Variants in GLIS1 observed in about 807,000 individuals in gnomAD.
The protein encoded by GLIS1 is zinc finger protein GLIS1.
A neutral mutation model predicts 63.8 loss-of-function variants in GLIS1; 24 were observed. The observed-to-expected ratio is 0.38, with a 90% CI of 0.27 to 0.53. GLIS1 has a LOEUF of 0.53. GLIS1 is among the 20% of genes least tolerant of loss of function. GLIS1 has a pLI of 0.85. For synonymous variants in GLIS1, 450 were observed against 482.5 expected (o/e 0.93, Z 0.88); for missense variants, 1,036 against 1,074.1 (o/e 0.96, Z 0.50).
intron 2 of GLIS1, among the ~76,000 whole-genome samples, chr1:53,734,643 C>T (rs1646895889): frequency 6.6e-6 from 1 of 152,220 alleles, no homozygotes; most frequent in African/African-American, 2.4e-5. Context: ...TGCTCCCTCA[C>T]AAGAGCCCCC....
intron 2 of GLIS1, among the ~76,000 whole-genome samples, chr1:53,613,070 T>C (rs995181564): frequency 6.6e-6 from 1 of 151,960 alleles, no homozygotes; most frequent in Admixed American, 6.6e-5. Flanking sequence ...CCACCCACCT[T>C]GGCCTCCCAA....
In GLIS1 at chr1:53,522,538, A is replaced by G. The variant is rs1220067279; in HGVS notation, c.1594-1772T>C. On this transcript the variant is annotated intron_variant, in intron 6 of 10. Transcript: ENST00000628545. ...AACGGAGCTCAGGCCCTGGAAGCAG[A>G]CAGGTCTGGGATGGACCCTGGCTCT... Among the ~76,000 whole-genome samples, 3 of 152,222 alleles carry G rather than the reference A, an allele frequency of 2.0e-5. 1 individual carries two copies. The highest frequency in any genetic ancestry group is 2.4e-5 in the African/African-American group (1 of 41,454).
chr1:53,721,240 TTATTTAG>T (rs1214329828), intron 2 of GLIS1, among the ~76,000 whole-genome samples: 2 of 152,100 alleles, frequency 1.3e-5, no homozygotes, highest in African/African-American at 4.8e-5. Flanking sequence ...AGCAGAAATC[TTATTTAG>T]GGTGGCCTAA....
At chr1:53,605,463 C>T (rs1350587733) in intron 2 of GLIS1, among the ~76,000 whole-genome samples, 1 of 152,218 alleles carries the variant, frequency 6.6e-6, no homozygotes, top group East Asian at 1.9e-4. Context: ...TCCCCGGCCT[C>T]GGCAGTCCCT....
Position 53,738,056 on chromosome 1 carries a change from G to A in GLIS1, c.9C>T (p.Cys3=). 2 of 1,230,488 alleles carry A rather than the reference G, an allele frequency of 1.6e-6. No homozygotes were observed. Among genetic ancestry groups the A allele is most frequent in the African/African-American group, 1.6e-5 (1 of 64,462 alleles). 76.2% of individuals were successfully genotyped at this position (1,230,488 alleles called of 1,614,324 possible). The part of the protein sequence containing the change: MH[C]EVAEAHSDKR... ...TGTCCGAGTGTGCCTCAGCCACCTC[G>A]CAATGCATGGCGCCGGGGCGGGGCG... is the stretch of plus-strand genomic sequence containing the variant. Residue 3 remains cysteine, a synonymous_variant, in exon 2 of 11, where the codon TGC becomes TGT. Transcript: ENST00000628545.
chr1:53,562,687 C>G (rs1049218900), intron 4 of GLIS1, among the ~76,000 whole-genome samples: 1 of 152,128 alleles, frequency 6.6e-6, no homozygotes, highest in Non-Finnish European at 1.5e-5. Context: ...CTCCTCCAAC[C>G]GTATCAACAC....
At chr1:53,545,862 T>C (rs923974698) in intron 4 of GLIS1, among the ~76,000 whole-genome samples, 2 of 152,236 alleles carry the variant, frequency 1.3e-5, no homozygotes, top group African/African-American at 4.8e-5. Context: ...GGACCCTGGA[T>C]GCCCCCTGCT....
chr1:53,636,070 G>C (rs1557494257), intron 2 of GLIS1, among the ~76,000 whole-genome samples: 1 of 152,036 alleles, frequency 6.6e-6, no homozygotes, highest in Non-Finnish European at 1.5e-5. Context: ...TAGAAAAAGG[G>C]GGAATACTCT....
intron 4 of GLIS1, among the ~76,000 whole-genome samples, chr1:53,576,797 G>T (rs1234652373): frequency 6.6e-6 from 1 of 152,120 alleles, no homozygotes; most frequent in Non-Finnish European, 1.5e-5. Flanking sequence ...GCTCAACTCT[G>T]TACCCCACTC....
chr1:53,633,751 C>T (rs1394076109), intron 2 of GLIS1, among the ~76,000 whole-genome samples: 7 of 151,998 alleles, frequency 4.6e-5, no homozygotes, highest in African/African-American at 1.7e-4. Flanking sequence ...TGGTTAGTAA[C>T]ATCCACATGC....
chr1:53,734,947 T>C (rs1488908467), intron 2 of GLIS1, among the ~76,000 whole-genome samples: 2 of 152,246 alleles, frequency 1.3e-5, no homozygotes, highest in Non-Finnish European at 2.9e-5. Context: ...ATGATTCTTA[T>C]TGTAAATGAT....
chr1:53,638,782 G>A (rs1407810391), intron 2 of GLIS1, among the ~76,000 whole-genome samples: 1 of 152,146 alleles, frequency 6.6e-6, no homozygotes, highest in East Asian at 1.9e-4. Context: ...ACATGAAAAC[G>A]AGGGTAAACC....
chr1:53,575,016 G>A (rs1313523960), intron 4 of GLIS1, among the ~76,000 whole-genome samples: 1 of 152,142 alleles, frequency 6.6e-6, no homozygotes, highest in African/African-American at 2.4e-5. Context: ...GAGGATACTT[G>A]GGCCAAGTTG....
At position 53,737,964 on chromosome 1, in the gene GLIS1, A is replaced by G; in HGVS notation, c.101T>C (p.Met34Thr). The stretch of plus-strand genomic sequence containing the variant: ...GCCACTCACGGTGACCCTGAAGGCC[A>G]TGTGCGCGCCGAGGCTGGCGGGGCC... Reference protein sequence around the residue: ...DRGPASLGAHMAFRVTVSGGG... With the variant: ...DRGPASLGAHTAFRVTVSGGG... Residue 34 changes from methionine (M) to threonine (T), a missense_variant, in exon 2 of 11, where the codon ATG (methionine) becomes ACG (threonine). Physicochemically the swap from Met to Thr is moderately conservative, Grantham distance 81. Transcript: ENST00000628545. 8.1e-7 allele frequency: 1 copy of G among 1,230,232 alleles called. No individual in the cohort carries two copies. Among genetic ancestry groups the G allele is most frequent in the Non-Finnish European group, 1.0e-6 (1 of 986,968 alleles). The allele number at this position is 1,230,232 out of a possible 1,614,324, so 76.2% of individuals were successfully genotyped here. A position where few individuals can be genotyped will look rare whatever the true frequency, so the allele number is the denominator to read the frequency against.
At chr1:53,699,653 G>A (rs1646503013) in intron 2 of GLIS1, among the ~76,000 whole-genome samples, 1 of 152,186 alleles carries the variant, frequency 6.6e-6, no homozygotes, top group African/African-American at 2.4e-5. Context: ...TAGAGTGGGT[G>A]CCAAAACAAC....
chr1:53,666,479 A>G (rs998612245), intron 2 of GLIS1, among the ~76,000 whole-genome samples: 1 of 152,102 alleles, frequency 6.6e-6, no homozygotes, highest in Non-Finnish European at 1.5e-5. Context: ...TAGAGTCCCC[A>G]AATTCCAGTG....
intron 4 of GLIS1, among the ~76,000 whole-genome samples, chr1:53,559,079 T>A (rs2100432568): frequency 6.6e-6 from 1 of 152,306 alleles, no homozygotes; most frequent in East Asian, 1.9e-4. Context: ...TCAGACCCAG[T>A]GTGAGAAAGG....
rs1644866693 is a variant in GLIS1, at chr1:53,559,637, A to G, written c.1321-29685T>C. Among the ~76,000 whole-genome samples the G allele has an allele frequency of 2.6e-5, 4 of 152,162 alleles. No homozygotes were observed. The South Asian group carries it at 8.3e-4, about 31-fold the overall frequency. On this transcript the variant is annotated intron_variant, in intron 4 of 10. Transcript: ENST00000628545. ...GAGCCCAGCCGCTGCAATGCGGGAC[A>G]GAGCCTGGTCCTGAGCCCCTGCGAG...
chr1:53,549,572 T>C (rs1290116240), intron 4 of GLIS1, among the ~76,000 whole-genome samples: 1 of 152,252 alleles, frequency 6.6e-6, no homozygotes, highest in African/African-American at 2.4e-5. Context: ...TATCTCTTCT[T>C]TGGAGAAATG....
Sources: gnomAD v4.1 joint callset for allele counts (sites outside exome capture counted in the v4.1 genomes callset) on GRCh38, gnomAD v4.1.1 for gene constraint, MANE v1.5 for transcripts, NCBI Gene and HGNC (gene_info 2026-07-23, HGNC 2026-07-21) for gene names.